ESR2: variants seen among roughly 807,000 people sequenced by gnomAD.
ESR2 encodes the protein estrogen receptor 2, also known as estrogen receptor beta.
ESR2 carries 36 observed loss-of-function variants against 49.6 expected under a neutral mutation model. That is an observed-to-expected ratio of 0.73 (90% CI 0.56 to 0.96). The LOEUF (loss-of-function observed/expected upper bound fraction) is 0.96. Ranked by LOEUF, ESR2 falls within the 40% of genes least tolerant of loss-of-function variation. The pLI is 0.00. For synonymous variants in ESR2, 320 were observed against 266.1 expected, an observed-to-expected ratio of 1.20 and a Z score of -1.97; for missense variants, 714 against 693.0, an observed-to-expected ratio of 1.03 and a Z score of -0.34.
At chr14:64,331,094 A>G (rs137900763) in intron 1 of ESR2, among the ~76,000 whole-genome samples, 1 of 152,334 alleles carries the variant, frequency 6.6e-6, no homozygotes, top group Admixed American at 6.5e-5. Flanking sequence ...AAAGATTATA[A>G]GACTAGATTA....
rs189906378 is a variant in ESR2 at position 64,274,498 on chromosome 14, T to A, written c.535+5483A>T. On this transcript the variant is annotated intron_variant, in intron 3 of 8. Transcript: ENST00000341099. ...TTATTCGACTCTTCTATCTTTTTTT[T>A]AAAAAAATTAGTCTGGCTAAAGATC... is the stretch of plus-strand genomic sequence containing the variant. 5.7e-3 allele frequency among the ~76,000 whole-genome samples: 872 copies of A among 152,224 alleles called. 10 individuals are homozygous for A. Among genetic ancestry groups the A allele is most frequent in the African/African-American group, 0.019 (780 of 41,562 alleles).
chr14:64,267,732 A>G (rs1424155728), intron 4 of ESR2, among the ~76,000 whole-genome samples: 1 of 151,588 alleles, frequency 6.6e-6, no homozygotes, highest in Non-Finnish European at 1.5e-5. Context: ...AAAAAAAAAA[A>G]AATTAGCCAG....
At position 64,253,600 on chromosome 14, in the gene ESR2, GTGTGTA is replaced by G. The variant is rs1176791566; in HGVS notation, c.1091+3620_1091+3625del. Among the ~76,000 whole-genome samples the G allele has an allele frequency of 3.2e-5, 4 of 124,872 alleles. No homozygotes were observed. In the East Asian group the frequency reaches 9.2e-4, roughly 29 times the overall value. The allele number at this position is 124,872 out of a possible 152,430, so 81.9% of individuals were successfully genotyped here. A position where few individuals can be genotyped will look rare whatever the true frequency, so the allele number is the denominator to read the frequency against. ...TGTGTGTGTGTGTGTGTGTGTGTGT[GTGTGTA>G]TGTATGTGTGTGTATATATATATAT... On this transcript the variant is annotated intron_variant, in intron 6 of 8. Transcript: ENST00000341099.
At chr14:64,241,818 C>G (rs565913239) in intron 7 of ESR2, among the ~76,000 whole-genome samples, 1 of 152,334 alleles carries the variant, frequency 6.6e-6, no homozygotes, top group East Asian at 1.9e-4. Flanking sequence ...TTAGGACTTT[C>G]TACATAGATT....
chr14:64,284,542 G>T (rs914798547), intron 1 of ESR2, among the ~76,000 whole-genome samples: 1 of 150,028 alleles, frequency 6.7e-6, no homozygotes, highest in Admixed American at 6.7e-5. Context: ...GGCTGGTCTC[G>T]AACTCCTGAC....
Position 64,232,761 on chromosome 14 carries a change from T to A in ESR2, c.*376A>T, listed in dbSNP as rs2098728472. The A allele has an allele frequency of 5.4e-6, 1 of 183,820 alleles. No individual in the cohort carries two copies. Among genetic ancestry groups the A allele is most frequent in the Admixed American group, 5.5e-5 (1 of 18,172 alleles). 11.4% of individuals were successfully genotyped at this position (183,820 alleles called of 1,614,324 possible). On this transcript the variant is annotated 3_prime_UTR_variant, in exon 9 of 9. Transcript: ENST00000341099. ...AAGGGTTAGCCCACTTCTGTAAGCGTGTCACTTCCTCTCCCCTTTCTGATT... is the reference window on the plus strand; with the variant it reads ...AAGGGTTAGCCCACTTCTGTAAGCGAGTCACTTCCTCTCCCCTTTCTGATT...
At chr14:64,285,662 C>T (rs988453838) in intron 1 of ESR2, among the ~76,000 whole-genome samples, 8 of 151,666 alleles carry the variant, frequency 5.3e-5, no homozygotes, top group African/African-American at 1.5e-4. Flanking sequence ...ACACCATCTT[C>T]ACTAAAAATA....
At position 64,230,563 on chromosome 14, in the gene ESR2, G is replaced by T. The variant is rs1194843862; in HGVS notation, c.*2574C>A. Reference sequence around the variant, plus strand: ...TTAATGCAGTTGAGTCTTCAGATTTGTGACTAGGCTGACAGCTTTGTCTTG... The same window carrying T: ...TTAATGCAGTTGAGTCTTCAGATTTTTGACTAGGCTGACAGCTTTGTCTTG... On this transcript the variant is annotated 3_prime_UTR_variant, in exon 9 of 9. Transcript: ENST00000341099. Among the ~76,000 whole-genome samples the T allele has an allele frequency of 1.3e-5, 2 of 152,028 alleles. No individual in the cohort carries two copies. Among genetic ancestry groups the T allele is most frequent in the Non-Finnish European group, 2.9e-5 (2 of 68,012 alleles).
At chr14:64,272,412 G>T (rs2076468473) in intron 3 of ESR2, among the ~76,000 whole-genome samples, 1 of 152,020 alleles carries the variant, frequency 6.6e-6, no homozygotes, top group African/African-American at 2.4e-5. Flanking sequence ...GATTCCATTT[G>T]TCCACTTTTA....
At position 64,233,376 on chromosome 14, in the gene ESR2, C is replaced by G; in HGVS notation, c.1407-53G>C. 3 of 1,556,712 alleles carry G rather than the reference C, an allele frequency of 1.9e-6. No individual in the cohort carries two copies. In the South Asian group the frequency reaches 3.5e-5, roughly 18 times the overall value. On this transcript the variant is annotated intron_variant, in intron 8 of 8. Transcript: ENST00000341099. Reference sequence around the variant, plus strand: ...CCCTCCTCCGAGGCAGCCACAGGAACCCCGAAGCCTTCCCCGGCTCTCTTT... The same window carrying G: ...CCCTCCTCCGAGGCAGCCACAGGAAGCCCGAAGCCTTCCCCGGCTCTCTTT...
chr14:64,304,523 A>G (rs773153236), intron 1 of ESR2, among the ~76,000 whole-genome samples: 12 of 152,312 alleles, frequency 7.9e-5, no homozygotes, highest in Admixed American at 5.2e-4. Context: ...GCTCAGAATA[A>G]AGTTCCAACA....
intron 1 of ESR2, among the ~76,000 whole-genome samples, chr14:64,308,714 G>A (rs936284893): frequency 2.0e-4 from 30 of 152,076 alleles, no homozygotes; most frequent in African/African-American, 7.2e-4. Context: ...TTTTATGATT[G>A]TATGTCATAA....
intron 1 of ESR2, chr14:64,337,521 C>A (rs1429092157): frequency 6.6e-6 from 1 of 151,992 alleles, no homozygotes; most frequent in Non-Finnish European, 1.5e-5. Flanking sequence ...CTTGTGCAAA[C>A]TTTGAGAACT....
chr14:64,292,544 C>T (rs900172245), intron 1 of ESR2, among the ~76,000 whole-genome samples: 1 of 152,132 alleles, frequency 6.6e-6, no homozygotes, highest in Non-Finnish European at 1.5e-5. Flanking sequence ...TGAAATCTAA[C>T]GTTCAAGCAT....
At chr14:64,327,452 T>C (rs1319601619) in intron 1 of ESR2, among the ~76,000 whole-genome samples, 24 of 105,982 alleles carry the variant, frequency 2.3e-4, no homozygotes, top group Admixed American at 1.8e-3. Context: ...TCCCAGCACT[T>C]TGGGAGGCCA....
At chr14:64,295,098 A>G (rs73267896), upstream of ESR2, among the ~76,000 whole-genome samples, 292 of 152,288 alleles carry the variant, frequency 1.9e-3, no homozygotes, top group African/African-American at 6.9e-3. Context: ...CAGGAGCCCC[A>G]GGGTGCGAGA....
intron 4 of ESR2, among the ~76,000 whole-genome samples, chr14:64,266,827 C>CTA (rs572232531): frequency 5.9e-5 from 9 of 152,266 alleles, no homozygotes; most frequent in Admixed American, 1.3e-4. Flanking sequence ...TCACCCATAC[C>CTA]TATCTCAATA....
chr14:64,254,460 C>G (rs1221732240), intron 6 of ESR2, among the ~76,000 whole-genome samples: 1 of 151,922 alleles, frequency 6.6e-6, no homozygotes, highest in Non-Finnish European at 1.5e-5. Flanking sequence ...ATACTAGAGA[C>G]TGTAGGCTGG....
intron 1 of ESR2, among the ~76,000 whole-genome samples, chr14:64,286,145 CA>C (rs963889387): frequency 1.3e-5 from 2 of 152,052 alleles, no homozygotes; most frequent in Admixed American, 1.3e-4. Flanking sequence ...GAACTAACAC[CA>C]AAGTGGTACC....
Sources: allele counts gnomAD v4.1 joint callset (sites outside exome capture counted in the v4.1 genomes callset), GRCh38; gene constraint gnomAD v4.1.1; transcripts MANE v1.5; gene names NCBI Gene and HGNC (gene_info 2026-07-23, HGNC 2026-07-21).